Variants in NCAPD3 observed in about 807,000 individuals in gnomAD.
NCAPD3 encodes the protein condensin-2 complex subunit D3.
In NCAPD3, 105 loss-of-function variants were observed where a neutral mutation model predicts 182.9. The observed-to-expected ratio is 0.57, with a 90% CI of 0.49 to 0.68. The LOEUF (loss-of-function observed/expected upper bound fraction) is 0.68. Among genes scored for constraint, NCAPD3 ranks in the 30% least tolerant of loss-of-function variants. NCAPD3 has a pLI of 0.00. For missense variants in NCAPD3, 1,944 were observed against 1,837.0 expected, an observed-to-expected ratio of 1.06 and a Z score of -1.07; for synonymous variants, 815 against 679.9, an observed-to-expected ratio of 1.20 and a Z score of -3.09.
intron 32 of NCAPD3, among the ~76,000 whole-genome samples, chr11:134,154,856 C>T (rs369864755): frequency 1.3e-5 from 2 of 152,344 alleles, no homozygotes; most frequent in South Asian, 2.1e-4. Context: ...TACCCGATGG[C>T]TACTTGAGTG....
chr11:134,151,167 T>C lies in NCAPD3; in HGVS notation c.*1777A>G, dbSNP rs1943219918. The stretch of plus-strand genomic sequence containing the variant: ...ACCTTGTCTTTCAGCTTCCAGTGTC[T>C]TGGGTTTTTTATACTTTGACAGCTT... On this transcript the variant is annotated 3_prime_UTR_variant, in exon 35 of 35. Coordinates refer to ENST00000534548, the MANE Select transcript of NCAPD3 (RefSeq NM_015261.3). The C allele has an allele frequency of 6.6e-6, 1 of 152,282 alleles. No homozygotes were observed. Among genetic ancestry groups the C allele is most frequent in the South Asian group, 2.1e-4 (1 of 4,830 alleles). The allele number at this position is 152,282 out of a possible 1,614,324, so 9.4% of individuals were successfully genotyped here.
Position 134,153,663 on chromosome 11 carries a change from C to T in NCAPD3, c.4253-300G>A, listed in dbSNP as rs115022121. The T allele has an allele frequency of 4.6e-3, 2,075 of 455,798 alleles. 26 individuals carry two copies. Among genetic ancestry groups the T allele is most frequent in the African/African-American group, 0.036 (1,836 of 50,796 alleles). The allele number at this position is 455,798 out of a possible 1,614,324, so 28.2% of individuals were successfully genotyped here. A position where few individuals can be genotyped will look rare whatever the true frequency, so the allele number is the denominator to read the frequency against. ...CCGTCTTCCATCATTGCCCCTGTCC[C>T]GGTGACCGCCCTGTCCCACTTACTA... On this transcript the variant is annotated intron_variant, in intron 32 of 34. Transcript: ENST00000534548.
chr11:134,168,143 G>C lies in NCAPD3; in HGVS notation c.3426C>G (p.Leu1142=). 1 of 1,614,168 alleles carries C rather than the reference G, an allele frequency of 6.2e-7. No homozygotes were observed. The highest frequency in any genetic ancestry group is 8.5e-7 in the Non-Finnish European group (1 of 1,180,006). ...AGCTGAGGACCTCAAACGTGTCTGA[G>C]AGTAACTCACTGGCGTCCAGGTCCA... The part of the protein sequence containing the change: ...LPLDLDASEL[L]SDTFEVLSSK... The change falls in exon 27 of 35, where the codon CTC becomes CTG. Residue 1142 remains leucine (L), a synonymous_variant. Coordinates refer to ENST00000534548, the MANE Select transcript of NCAPD3 (RefSeq NM_015261.3).
At chr11:134,193,056 A>C (rs1262646673) in intron 15 of NCAPD3, 147 bp from the exon 16 acceptor site, 3 of 573,790 alleles carry the variant, frequency 5.2e-6, no homozygotes, top group Non-Finnish European at 9.1e-6. Context: ...AAAATATACA[A>C]AAGCAAAGCC....
intron 8 of NCAPD3, among the ~76,000 whole-genome samples, chr11:134,205,985 C>T (rs928015488): frequency 5.9e-5 from 9 of 152,044 alleles, no homozygotes; most frequent in African/African-American, 1.7e-4. Flanking sequence ...CCACACTGCA[C>T]GCCAAAAATC....
chr11:134,150,923 T>G lies in NCAPD3; in HGVS notation c.*2021A>C, dbSNP rs929106925. 6.6e-6 allele frequency: 1 copy of G among 152,130 alleles called. No individual in the cohort carries two copies. The highest frequency in any genetic ancestry group is 1.5e-5 in the Non-Finnish European group (1 of 68,022). The allele number at this position is 152,130 out of a possible 1,614,324, so 9.4% of individuals were successfully genotyped here. A position where few individuals can be genotyped will look rare whatever the true frequency, so the allele number is the denominator to read the frequency against. ...GTGAAACGCCTGAATCAAAAGCAGT[T>G]TTCTAATTTTGACTTTAAATTTTTC... is the stretch of plus-strand genomic sequence containing the variant. On this transcript the variant is annotated 3_prime_UTR_variant, in exon 35 of 35. Transcript: ENST00000534548.
At chr11:134,223,428 C>T in intron 1 of NCAPD3, 1 of 702,490 alleles carries the variant, frequency 1.4e-6, no homozygotes, top group Non-Finnish European at 2.6e-6. Flanking sequence ...TTGGGAATCC[C>T]ATTTTCACTC....
intron 23 of NCAPD3, 30 bp from the exon 24 acceptor site, chr11:134,176,416 A>G: frequency 2.5e-6 from 4 of 1,594,990 alleles, no homozygotes; most frequent in Non-Finnish European, 2.6e-6. Context: ...CATGTTTCAG[A>G]GTGCGTCATC....
At chr11:134,202,131 G>C (rs922279250) in intron 13 of NCAPD3, among the ~76,000 whole-genome samples, 3 of 152,206 alleles carry the variant, frequency 2.0e-5, no homozygotes, top group African/African-American at 7.2e-5. Flanking sequence ...GGAAGGACCA[G>C]ATCAAGGTTT....
intron 13 of NCAPD3, 41 bp downstream of exon 13, chr11:134,202,775 C>A: frequency 7.0e-7 from 1 of 1,423,360 alleles, no homozygotes; most frequent in South Asian, 1.3e-5. Context: ...GTCTGAAATC[C>A]AGCAGTATTA....
chr11:134,163,389 A>G (rs1235946483), intron 27 of NCAPD3, among the ~76,000 whole-genome samples: 1 of 152,088 alleles, frequency 6.6e-6, no homozygotes, highest in Non-Finnish European at 1.5e-5. Flanking sequence ...TAATAAAATG[A>G]TCAAATTTGT....
intron 31 of NCAPD3, 56 bp from the exon 32 acceptor site, chr11:134,157,151 A>C: frequency 1.4e-6 from 2 of 1,386,436 alleles, no homozygotes; most frequent in South Asian, 2.5e-5. Context: ...AACGAAGAGC[A>C]AAACAACCAC....
Position 134,160,065 on chromosome 11 carries a change from G to C in NCAPD3, c.3694C>G (p.Gln1232Glu). 1 of 1,613,796 alleles carries C rather than the reference G, an allele frequency of 6.2e-7. No homozygotes were observed. Among genetic ancestry groups the C allele is most frequent in the Admixed American group, 1.7e-5 (1 of 60,006 alleles). ...TCCTTGAGCTCATCTCGGTAATCCT[G>C]CATCACCTCCTGAAACAGAGCCAGG... Reference protein sequence around the residue: ...ELMHYLREVMQDYRDELKDFF... With the variant: ...ELMHYLREVMEDYRDELKDFF... The change falls in exon 29 of 35, where the codon CAG (glutamine) becomes GAG (glutamate). Residue 1232 changes from glutamine (Q) to glutamate (E), a missense_variant. This residue lies in a region of NCAPD3 where 1,803 missense variants were observed against 1,674.6 expected (regional missense o/e 1.08). Transcript: ENST00000534548.
intron 4 of NCAPD3, 112 bp downstream of exon 4, chr11:134,210,158 G>T: frequency 1.2e-6 from 1 of 867,840 alleles, no homozygotes; most frequent in South Asian, 1.7e-5. Flanking sequence ...GATGGTTTAG[G>T]ACCATTTGCC....
Position 134,152,108 on chromosome 11 carries a change from C to G in NCAPD3, c.*836G>C, listed in dbSNP as rs1394710846. 1.3e-5 allele frequency: 2 copies of G among 152,280 alleles called. No homozygotes were observed. The highest frequency in any genetic ancestry group is 4.8e-5 in the African/African-American group (2 of 41,478). The allele number at this position is 152,280 out of a possible 1,614,324, so 9.4% of individuals were successfully genotyped here. A position where few individuals can be genotyped will look rare whatever the true frequency, so the allele number is the denominator to read the frequency against. ...GATATTGTTGAACAAAAATAGCATTCAGTTTACCCACTAGTGCTAACAGAA... is the reference window on the plus strand; with the variant it reads ...GATATTGTTGAACAAAAATAGCATTGAGTTTACCCACTAGTGCTAACAGAA... On this transcript the variant is annotated 3_prime_UTR_variant, in exon 35 of 35. Coordinates refer to ENST00000534548, the MANE Select transcript of NCAPD3 (RefSeq NM_015261.3).
intron 28 of NCAPD3, 34 bp from the exon 29 acceptor site, chr11:134,160,108 T>C: frequency 6.2e-7 from 1 of 1,605,356 alleles, no homozygotes; most frequent in Non-Finnish European, 8.5e-7. Flanking sequence ...TTTCATGTTT[T>C]CTTGAATAAA....
Position 134,192,692 on chromosome 11 carries a change from A to C in NCAPD3, c.2042T>G (p.Leu681Arg). 6.2e-7 allele frequency: 1 copy of C among 1,613,068 alleles called. No homozygotes were observed. Among genetic ancestry groups the C allele is most frequent in the Non-Finnish European group, 8.5e-7 (1 of 1,178,992 alleles). Residue 681 changes from leucine (L) to arginine (R), a missense_variant, in exon 16 of 35, where the codon CTG becomes CGG. By Grantham distance (102) the Leu-to-Arg change is moderately radical. This residue lies in a region of NCAPD3 where 1,803 missense variants were observed against 1,674.6 expected (regional missense o/e 1.08). Coordinates refer to ENST00000534548, the MANE Select transcript of NCAPD3 (RefSeq NM_015261.3). ...ACAGGTCATACAGTTAACCTACCTC[A>C]GTTCCTGGCTTTCGGTGGTGAGGAG... is the stretch of plus-strand genomic sequence containing the variant. ...LTLLTTESQE[L>R]SRYLNKAFHI... is the part of the protein sequence containing the mutation.
intron 19 of NCAPD3, among the ~76,000 whole-genome samples, chr11:134,182,439 G>A (rs1209531977): frequency 6.6e-6 from 1 of 152,184 alleles, no homozygotes; most frequent in African/African-American, 2.4e-5. Context: ...TCATAAATTT[G>A]AATTTAGCTA....
At chr11:134,176,543 T>C (rs1157763595) in intron 23 of NCAPD3, among the ~76,000 whole-genome samples, 157 bp from the exon 24 acceptor site, 1 of 152,232 alleles carries the variant, frequency 6.6e-6, no homozygotes, top group Non-Finnish European at 1.5e-5. Flanking sequence ...TGCCGAGAAG[T>C]GTATGTGCAG....
Sources: allele counts gnomAD v4.1 joint callset (sites outside exome capture counted in the v4.1 genomes callset), GRCh38; gene constraint gnomAD v4.1.1; regional missense constraint gnomAD v4.1.1; transcripts MANE v1.5; gene names NCBI Gene and HGNC (gene_info 2026-07-23, HGNC 2026-07-21).